The following PRIM2 variants were observed in gnomAD, a reference collection of about 807,000 sequenced individuals.
PRIM2 encodes DNA primase subunit 2, also known as DNA primase large subunit.
A neutral mutation model predicts 67.3 loss-of-function variants in PRIM2; 39 were observed. The ratio of observed to expected loss-of-function variants is 0.58; its 90% CI spans 0.45 to 0.76. PRIM2 has a LOEUF of 0.76. Among genes scored for constraint, PRIM2 ranks in the 30% least tolerant of loss-of-function variants. The pLI, the probability that PRIM2 is intolerant of heterozygous loss-of-function variation, is 0.00. For missense variants in PRIM2, 398 were observed against 598.7 expected, an observed-to-expected ratio of 0.66 and a Z score of 3.50; for synonymous variants, 143 against 198.7, an observed-to-expected ratio of 0.72 and a Z score of 2.36.
chr6:57,507,167 T>G (rs1421297389), intron 7 of PRIM2, among the ~76,000 whole-genome samples: 3 of 152,184 alleles, frequency 2.0e-5, no homozygotes, highest in Non-Finnish European at 4.4e-5. Flanking sequence ...ACTTTTAAAC[T>G]TAGTGACATA....
At chr6:57,245,281 A>G in the PRIM2 span, among the ~76,000 whole-genome samples, 6 of 152,184 alleles carry the variant, frequency 3.9e-5, no homozygotes, top group Non-Finnish European at 5.9e-5. Context: ...TATTAAGCTA[A>G]AAACACAAGA....
intron 8 of PRIM2, among the ~76,000 whole-genome samples, chr6:57,509,840 A>G (rs1479552194): frequency 6.7e-6 from 1 of 148,892 alleles, no homozygotes; most frequent in Non-Finnish European, 1.5e-5. Context: ...AATGTATTTA[A>G]TATAATTTTA....
At chr6:57,483,302 T>C (rs1773673937) in intron 7 of PRIM2, among the ~76,000 whole-genome samples, 1 of 152,130 alleles carries the variant, frequency 6.6e-6, no homozygotes, top group Non-Finnish European at 1.5e-5. Context: ...CACAATACAA[T>C]CTTTCATTAA....
intron 7 of PRIM2, among the ~76,000 whole-genome samples, chr6:57,389,098 A>T (rs1770243770): frequency 6.6e-6 from 1 of 151,910 alleles, no homozygotes; most frequent in South Asian, 2.1e-4. Flanking sequence ...GTGACTATTT[A>T]TTTTTATTTT....
chr6:57,278,468 A>G, the PRIM2 span, among the ~76,000 whole-genome samples: 2 of 152,298 alleles, frequency 1.3e-5, no homozygotes, highest in South Asian at 2.1e-4. Context: ...AATTCATTCC[A>G]TTGCCTCCAT....
chr6:57,418,383 GTTTTTTT>G (rs34491627), intron 7 of PRIM2, among the ~76,000 whole-genome samples: 4,802 of 47,320 alleles, frequency 0.1, 498 homozygotes, highest in Non-Finnish European at 0.15. Flanking sequence ...TATGTGTGTG[GTTTTTTT>G]TTTTTTTTTT....
intron 5 of PRIM2, among the ~76,000 whole-genome samples, chr6:57,377,040 C>G (rs1354764504): frequency 6.6e-6 from 1 of 150,780 alleles, no homozygotes; most frequent in Non-Finnish European, 1.5e-5. Flanking sequence ...CCATGCCCAG[C>G]TAATTTTTTT....
intron 5 of PRIM2, among the ~76,000 whole-genome samples, chr6:57,336,227 G>C (rs923632733): frequency 6.6e-5 from 10 of 152,176 alleles, no homozygotes; most frequent in South Asian, 2.1e-4. Flanking sequence ...CCAAATCTGC[G>C]TCTGATTGGT....
chr6:57,640,151 T>C (rs1777204435), intron 13 of PRIM2, among the ~76,000 whole-genome samples: 1 of 152,180 alleles, frequency 6.6e-6, no homozygotes, highest in African/African-American at 2.4e-5. Context: ...ATTATCTCAA[T>C]AGATGCAGAA....
Position 57,545,269 on chromosome 6 carries a change from A to G in PRIM2, c.1020+7644A>G, listed in dbSNP as rs1365039827. ...AGTACAGAGAAATATATTTCTGTGT[A>G]TATGTATATACATAGATACATACAT... On this transcript the variant is annotated intron_variant, in intron 10 of 13. Coordinates refer to ENST00000615550, the MANE Select transcript of PRIM2 (RefSeq NM_000947.5). 3.3e-5 allele frequency among the ~76,000 whole-genome samples: 5 copies of G among 152,192 alleles called. No homozygotes were observed. In the East Asian group the frequency reaches 9.6e-4, roughly 29 times the overall value.
the PRIM2 span, among the ~76,000 whole-genome samples, chr6:57,304,677 G>C: frequency 6.6e-6 from 1 of 152,142 alleles, no homozygotes; most frequent in African/African-American, 2.4e-5. Context: ...AGAAACTGAA[G>C]CATTTGATCT....
At chr6:57,458,765 C>T (rs1415192593) in intron 7 of PRIM2, among the ~76,000 whole-genome samples, 2 of 152,292 alleles carry the variant, frequency 1.3e-5, no homozygotes, top group East Asian at 3.9e-4. Flanking sequence ...ACAGTTAGCC[C>T]CCCTAGCTAC....
At position 57,425,277 on chromosome 6, in the gene PRIM2, G is replaced by A. The variant is rs548861725; in HGVS notation, c.693+43109G>A. 7.2e-5 allele frequency among the ~76,000 whole-genome samples: 11 copies of A among 152,026 alleles called. No individual in the cohort carries two copies. The South Asian group carries it at 1.5e-3, about 20-fold the overall frequency. On this transcript the variant is annotated intron_variant, in intron 7 of 13. Transcript: ENST00000615550. Reference sequence around the variant, plus strand: ...TTTTGAGAGGGAGTCTCGCTCTGTCGCCCAGGCTGGAGTGCAGTGGCGCGA... The same window carrying A: ...TTTTGAGAGGGAGTCTCGCTCTGTCACCCAGGCTGGAGTGCAGTGGCGCGA...
At position 57,320,506 on chromosome 6, in the gene PRIM2, A is replaced by G. The variant is rs754575943; in HGVS notation, c.204A>G (p.Glu68=). ...NLGVSYVKGT[E]QYQSKLESEL... ...GAGTGAGCTATGTGAAAGGAACTGA[A>G]CAATACCAGAGTAAGTTGGAGAGTG... The change falls in exon 3 of 14, where the codon GAA becomes GAG. Residue 68 remains glutamate (E), a synonymous_variant. Transcript: ENST00000615550. 2 of 1,610,912 alleles carry G rather than the reference A, an allele frequency of 1.2e-6. No individual in the cohort carries two copies. Among genetic ancestry groups the G allele is most frequent in the African/African-American group, 2.7e-5 (2 of 75,004 alleles).
chr6:57,458,088 C>T (rs1470385570), intron 7 of PRIM2, among the ~76,000 whole-genome samples: 2 of 152,130 alleles, frequency 1.3e-5, no homozygotes, highest in Non-Finnish European at 1.5e-5. Context: ...ACTTGTGTAT[C>T]GGTCAAAATA....
chr6:57,307,355 G>A, the PRIM2 span, among the ~76,000 whole-genome samples: 6 of 151,362 alleles, frequency 4.0e-5, no homozygotes, highest in South Asian at 4.2e-4. Context: ...CTGGGTTCAC[G>A]CCATTCTCCT....
At chr6:57,265,660 C>T in the PRIM2 span, among the ~76,000 whole-genome samples, 1 of 152,050 alleles carries the variant, frequency 6.6e-6, no homozygotes, top group Admixed American at 6.6e-5. Flanking sequence ...TATAGATAGC[C>T]CAGAAATTGA....
chr6:57,529,844 A>C (rs1774848987), intron 8 of PRIM2, among the ~76,000 whole-genome samples: 1 of 152,142 alleles, frequency 6.6e-6, no homozygotes, highest in African/African-American at 2.4e-5. Flanking sequence ...AAAGGAAACA[A>C]ATTTATTTCT....
chr6:57,276,527 C>T, the PRIM2 span, among the ~76,000 whole-genome samples: 4 of 151,724 alleles, frequency 2.6e-5, no homozygotes, highest in Non-Finnish European at 4.4e-5. Flanking sequence ...GTAGTGGTTA[C>T]TTTTAGTAAG....
Sources: allele counts gnomAD v4.1 joint callset (sites outside exome capture counted in the v4.1 genomes callset), GRCh38; gene constraint gnomAD v4.1.1; transcripts MANE v1.5; gene names NCBI Gene and HGNC (gene_info 2026-07-23, HGNC 2026-07-21).